The following TANC2 variants were observed in gnomAD, a reference collection of about 807,000 sequenced individuals.
TANC2 encodes protein TANC2.
TANC2 carries 26 observed loss-of-function variants against 210.5 expected under a neutral mutation model. The observed-to-expected ratio is 0.12, with a 90% CI of 0.09 to 0.17. The LOEUF is 0.17. TANC2 is among the 10% of genes least tolerant of loss of function. TANC2 has a pLI of 1.00. For synonymous variants in TANC2, 931 were observed against 967.1 expected (o/e 0.96, Z 0.69); for missense variants, 2,129 against 2,608.9 (o/e 0.82, Z 4.01).
Position 63,079,508 on chromosome 17 carries a change from C to T in TANC2, c.139+5494C>T, listed in dbSNP as rs79359667. ...CAGTTAAGGCATAGTGTGCTTACTT[C>T]ATCTTAACCTTCTGTTTTATTACAA... On this transcript the variant is annotated intron_variant, in intron 3 of 27. Coordinates refer to ENST00000689528, the Ensembl canonical transcript of TANC2. 6.0e-4 allele frequency among the ~76,000 whole-genome samples: 92 copies of T among 152,276 alleles called. 1 individual carries two copies. Among genetic ancestry groups the T allele is most frequent in the African/African-American group, 2.2e-3 (91 of 41,550 alleles).
At chr17:63,225,657 A>G (rs2042308748) in intron 7 of TANC2, among the ~76,000 whole-genome samples, 1 of 152,196 alleles carries the variant, frequency 6.6e-6, no homozygotes, top group Non-Finnish European at 1.5e-5. Flanking sequence ...AAACCAGGAT[A>G]TTATTCATGA....
chr17:63,252,204 T>C (rs1227212386), intron 8 of TANC2, among the ~76,000 whole-genome samples: 1 of 152,118 alleles, frequency 6.6e-6, no homozygotes, highest in Non-Finnish European at 1.5e-5. Flanking sequence ...TTTTTAAAAA[T>C]ATATCTGTAT....
intron 14 of TANC2, among the ~76,000 whole-genome samples, chr17:63,359,046 T>C (rs569645243): frequency 6.7e-6 from 1 of 150,086 alleles, no homozygotes; most frequent in South Asian, 2.1e-4. Context: ...TGCGTTATTA[T>C]GTGTGTATTT....
chr17:63,246,215 C>G, intron 8 of TANC2, among the ~76,000 whole-genome samples: 1 of 148,928 alleles, frequency 6.7e-6, no homozygotes, highest in Non-Finnish European at 1.5e-5. Flanking sequence ...GTATATAAAC[C>G]TAAGATGAGT....
Position 63,420,940 on chromosome 17 carries a change from T to G in TANC2, c.5210T>G (p.Val1737Gly). Residue 1737 changes from valine to glycine, a missense_variant, in exon 28 of 28, where the codon GTC (valine) becomes GGC (glycine). Around this residue, in one of 5 missense-constraint regions of TANC2, gnomAD observed 584 missense variants for 627.3 expected, o/e 0.93. Transcript: ENST00000689528. The surrounding 1 kb of genome is among the most constrained non-coding windows in gnomAD (Gnocchi z 4.2). ...CAGTCTTCACAAGGAGACATAGGAG[T>G]CAGCCAGAGCCGGTTGGTTTATCAA... 6.2e-7 allele frequency: 1 copy of G among 1,613,684 alleles called. No individual in the cohort carries two copies. The highest frequency in any genetic ancestry group is 8.5e-7 in the Non-Finnish European group (1 of 1,179,846).
Position 63,419,398 on chromosome 17 carries a change from T to C in TANC2, c.4269-601T>C, listed in dbSNP as rs777615612. On this transcript the variant is annotated intron_variant, in intron 27 of 27. Transcript: ENST00000689528. ...TCTTCATTTGTAAATTAGAGTCTCC[T>C]TGGAGTCAGCTCAGCTCCAGCCCCG... 4.5e-4 allele frequency among the ~76,000 whole-genome samples: 69 copies of C among 152,316 alleles called. 1 individual carries two copies. In the Middle Eastern group the frequency reaches 0.01, roughly 23 times the overall value.
At chr17:63,028,609 GT>G (rs2034648173) in intron 2 of TANC2, among the ~76,000 whole-genome samples, 1 of 152,106 alleles carries the variant, frequency 6.6e-6, no homozygotes, top group Non-Finnish European at 1.5e-5. Context: ...TTTTCTCCAG[GT>G]ACAGGAAGGA....
At chr17:62,993,668 T>C (rs1411882004) in intron 1 of TANC2, among the ~76,000 whole-genome samples, 1 of 152,186 alleles carries the variant, frequency 6.6e-6, no homozygotes, top group Admixed American at 6.5e-5. Flanking sequence ...GGCTCATGCC[T>C]GTAATCCCAG....
intron 2 of TANC2, among the ~76,000 whole-genome samples, chr17:63,022,336 ATCTC>A: frequency 2.0e-5 from 1 of 51,054 alleles, no homozygotes; most frequent in Non-Finnish European, 5.0e-5. Context: ...GCGAAACTCC[ATCTC>A]AAAAAAAAAA....
At chr17:62,971,972 A>T (rs2031722873) in intron 1 of TANC2, among the ~76,000 whole-genome samples, 1 of 152,208 alleles carries the variant, frequency 6.6e-6, no homozygotes, top group African/African-American at 2.4e-5. Context: ...CCGCTGTTTC[A>T]GAGGACATTT....
chr17:63,097,266 C>CA (rs1372105960), intron 3 of TANC2, among the ~76,000 whole-genome samples: 1 of 152,046 alleles, frequency 6.6e-6, no homozygotes, highest in Non-Finnish European at 1.5e-5. Flanking sequence ...AGGCTGGTCT[C>CA]AAACTTATGG....
At chr17:63,390,142 C>T (rs142917619) in intron 17 of TANC2, 3 of 152,538 alleles carry the variant, frequency 2.0e-5, no homozygotes, top group African/African-American at 7.2e-5. Flanking sequence ...TGTATAAAAA[C>T]TCGATTTCAC....
At chr17:63,368,373 TAGAC>T (rs371903499) in intron 14 of TANC2, among the ~76,000 whole-genome samples, 86 of 152,070 alleles carry the variant, frequency 5.7e-4, no homozygotes, top group African/African-American at 1.7e-3. Flanking sequence ...CTTTAGAAAA[TAGAC>T]AGAGAGAATG....
At position 63,000,121 on chromosome 17, in the gene TANC2, A is replaced by G. The variant is rs184608901; in HGVS notation, c.-23-9416A>G. ...GAAGGTGAGGATCAAAAAATTACCTATTAGATACTGTGTTTATTACCTGAG... is the reference window on the plus strand; with the variant it reads ...GAAGGTGAGGATCAAAAAATTACCTGTTAGATACTGTGTTTATTACCTGAG... On this transcript the variant is annotated intron_variant, in intron 1 of 27. Transcript: ENST00000689528. Among the ~76,000 whole-genome samples the G allele has an allele frequency of 2.0e-3, 297 of 152,290 alleles. 3 individuals are homozygous for G. The highest frequency in any genetic ancestry group is 8.1e-3 in the South Asian group (39 of 4,832).
chr17:63,281,328 G>T (rs1226384847), intron 9 of TANC2, among the ~76,000 whole-genome samples: 4 of 152,110 alleles, frequency 2.6e-5, no homozygotes, highest in East Asian at 3.9e-4. Context: ...ATACTGGAAA[G>T]TTAGCAAGGA....
intron 2 of TANC2, among the ~76,000 whole-genome samples, chr17:63,050,778 G>A (rs968075125): frequency 1.3e-5 from 2 of 152,194 alleles, no homozygotes; most frequent in African/African-American, 4.8e-5. Flanking sequence ...AGAGATTTTG[G>A]TAATTGTGGA....
At chr17:63,231,944 T>G (rs951212664) in intron 7 of TANC2, among the ~76,000 whole-genome samples, 1 of 152,204 alleles carries the variant, frequency 6.6e-6, no homozygotes, top group Non-Finnish European at 1.5e-5. Context: ...CCTGGAGATT[T>G]TGTTCATTCC....
At chr17:63,297,260 A>C (rs766728405) in intron 9 of TANC2, among the ~76,000 whole-genome samples, 1 of 152,196 alleles carries the variant, frequency 6.6e-6, no homozygotes, top group Non-Finnish European at 1.5e-5. Context: ...GAATAGCCAA[A>C]ATGATATTGA....
chr17:63,287,282 T>C (rs944026127), intron 9 of TANC2, among the ~76,000 whole-genome samples: 5 of 152,188 alleles, frequency 3.3e-5, no homozygotes, highest in East Asian at 1.9e-4. Context: ...TTGAGTCTTA[T>C]AGCTTCCTTG....
Sources: allele counts gnomAD v4.1 joint callset (sites outside exome capture counted in the v4.1 genomes callset), GRCh38; gene constraint gnomAD v4.1.1; regional missense constraint gnomAD v4.1.1; non-coding constraint Gnocchi (gnomAD v3.1); transcripts MANE v1.5; gene names NCBI Gene and HGNC (gene_info 2026-07-23, HGNC 2026-07-21).